AGAP1: variants seen among roughly 807,000 people sequenced by gnomAD.
The protein encoded by AGAP1 is ArfGAP with GTPase domain, ankyrin repeat and PH domain 1.
Under a neutral mutation model 105.3 loss-of-function variants are expected in AGAP1, and 29 were observed. The observed-to-expected ratio is 0.28, with a 90% CI of 0.21 to 0.38. The LOEUF (loss-of-function observed/expected upper bound fraction) is 0.38. AGAP1 is among the 10% of genes least tolerant of loss of function. The pLI is 1.00. For synonymous variants in AGAP1, 509 were observed against 485.9 expected (o/e 1.05, Z -0.63); for missense variants, 998 against 1,165.1 (o/e 0.86, Z 2.09).
At chr2:235,669,347 G>A (rs1575076596) in intron 1 of AGAP1, among the ~76,000 whole-genome samples, 1 of 152,280 alleles carries the variant, frequency 6.6e-6, no homozygotes, top group African/African-American at 2.4e-5. Flanking sequence ...ACGCGCAGCA[G>A]GTGAGACATG....
At chr2:235,945,606 G>T (rs1002448490) in intron 12 of AGAP1, among the ~76,000 whole-genome samples, 23 of 151,958 alleles carry the variant, frequency 1.5e-4, no homozygotes, top group African/African-American at 5.6e-4. Flanking sequence ...TTAAATTTTA[G>T]AAACATTTAA....
chr2:236,091,406 T>C (rs1047930304), intron 16 of AGAP1, among the ~76,000 whole-genome samples: 2 of 152,204 alleles, frequency 1.3e-5, no homozygotes, highest in Admixed American at 6.5e-5. Context: ...AGTTTTACAG[T>C]TTCTTATAAA....
intron 12 of AGAP1, among the ~76,000 whole-genome samples, chr2:235,935,679 A>T (rs2052953431): frequency 6.6e-6 from 1 of 152,226 alleles, no homozygotes; most frequent in South Asian, 2.1e-4. Flanking sequence ...TGCTTTATTG[A>T]TAGATTCAGA....
rs1294200974 is a variant in AGAP1 at position 235,883,365 on chromosome 2, T to A, written c.1071T>A (p.Ser357Arg). ...TGTAGGGCATGCTGTTGAAGCGAAG[T>A]GGCAAATCGTTGAATAAAGAGTGGA... ...PIKQGMLLKR[S>R]GKSLNKEWKK... is the part of the protein sequence containing the mutation. Residue 357 changes from serine (S) to arginine (R), a missense_variant, in exon 10 of 18, where the codon AGT becomes AGA. Ser to Arg is a moderately radical substitution (Grantham distance 110, BLOSUM62 -1). Transcript: ENST00000304032. This position sits in a 1 kb window ranked among gnomAD's most constrained non-coding sequence, Gnocchi z 4.5. 2 of 1,614,094 alleles carry A rather than the reference T, an allele frequency of 1.2e-6. No homozygotes were observed. The highest frequency in any genetic ancestry group is 1.7e-6 in the Non-Finnish European group (2 of 1,180,018).
intron 6 of AGAP1, among the ~76,000 whole-genome samples, chr2:235,781,257 C>T (rs995929196): frequency 6.6e-6 from 1 of 152,210 alleles, no homozygotes; most frequent in South Asian, 2.1e-4. Context: ...AGACTTCACT[C>T]ATCAGAGCTA....
At chr2:235,678,710 G>C (rs1948892190) in intron 1 of AGAP1, among the ~76,000 whole-genome samples, 1 of 152,064 alleles carries the variant, frequency 6.6e-6, no homozygotes, top group Admixed American at 6.6e-5. Context: ...AGTTTCTTTG[G>C]ACTGTCCTCC....
rs1386021705 is a variant in AGAP1 at position 235,877,230 on chromosome 2, C to T, written c.1051-6115C>T. Among the ~76,000 whole-genome samples, 1 of 152,132 alleles carries T rather than the reference C, an allele frequency of 6.6e-6. No individual in the cohort carries two copies. Among genetic ancestry groups the T allele is most frequent in the Non-Finnish European group, 1.5e-5 (1 of 68,020 alleles). On this transcript the variant is annotated intron_variant, in intron 9 of 17. Coordinates refer to ENST00000304032, the MANE Select transcript of AGAP1 (RefSeq NM_001037131.3). The surrounding 1 kb of genome is among the most constrained non-coding windows in gnomAD (Gnocchi z 4.3). ...TAATAATTATGCAGTTAGGTACAAG[C>T]AGAAAACTAAGATTCAGCTCCTTGT...
In AGAP1 at chr2:235,958,117, C is replaced by G. The variant is rs2054024707; in HGVS notation, c.1484-10345C>G. On this transcript the variant is annotated intron_variant, in intron 12 of 17. Transcript: ENST00000304032. This position sits in a 1 kb window ranked among gnomAD's most constrained non-coding sequence, Gnocchi z 4.1. ...GAACATGTTTTAAAGCATTTTGTAT[C>G]TTTAATCAACATGTAGAAAATGAAC... 1.3e-5 allele frequency among the ~76,000 whole-genome samples: 2 copies of G among 152,042 alleles called. No homozygotes were observed. The highest frequency in any genetic ancestry group is 2.9e-5 in the Non-Finnish European group (2 of 68,008).
In AGAP1 at chr2:235,609,122, C is replaced by T. The variant is rs13385680; in HGVS notation, c.164-100057C>T. Among the ~76,000 whole-genome samples the T allele has an allele frequency of 0.036, 5,532 of 152,196 alleles. 343 individuals are homozygous for T. The highest frequency in any genetic ancestry group is 0.13 in the African/African-American group (5,240 of 41,532). ...TCACAGGGGGCTGATGAATTTGTTT[C>T]CTTCTTGCCTTATTTTTGGCAGTTT... On this transcript the variant is annotated intron_variant, in intron 1 of 17. Coordinates refer to ENST00000304032, the MANE Select transcript of AGAP1 (RefSeq NM_001037131.3). This position sits in a 1 kb window ranked among gnomAD's most constrained non-coding sequence, Gnocchi z 5.1.
At position 235,719,220 on chromosome 2, in the gene AGAP1, G is replaced by A. The variant is rs907852992; in HGVS notation, c.310+1576G>A. Among the ~76,000 whole-genome samples, 6 of 152,322 alleles carry A rather than the reference G, an allele frequency of 3.9e-5. No individual in the cohort carries two copies. Among genetic ancestry groups the A allele is most frequent in the South Asian group, 2.1e-4 (1 of 4,820 alleles). ...TGCTCTGGCAGTCTCTGGCCCTGGG[G>A]TTCAGGTGTCTGGTGGGGCAGCGCT... On this transcript the variant is annotated intron_variant, in intron 3 of 17. Transcript: ENST00000304032. The surrounding 1 kb of genome is among the most constrained non-coding windows in gnomAD (Gnocchi z 4.9).
intron 13 of AGAP1, among the ~76,000 whole-genome samples, chr2:236,034,599 C>T (rs2057323282): frequency 6.6e-6 from 1 of 152,166 alleles, no homozygotes; most frequent in African/African-American, 2.4e-5. Flanking sequence ...GCACAAAGGA[C>T]ACCCCCATAC....
intron 9 of AGAP1, among the ~76,000 whole-genome samples, chr2:235,876,027 A>G (rs2049707754): frequency 6.6e-6 from 1 of 152,208 alleles, no homozygotes; most frequent in Non-Finnish European, 1.5e-5. Context: ...CCCATGACCA[A>G]GATCTCCTTG....
At position 235,607,273 on chromosome 2, in the gene AGAP1, G is replaced by A. The variant is rs570155615; in HGVS notation, c.164-101906G>A. Among the ~76,000 whole-genome samples the A allele has an allele frequency of 5.3e-5, 8 of 152,308 alleles. No homozygotes were observed. The South Asian group carries it at 8.3e-4, about 16-fold the overall frequency. ...GAAATAGGACATTTTGTTGAAGCCC[G>A]ATGCATGATTTAGCCCACCAGTACT... is the stretch of plus-strand genomic sequence containing the variant. On this transcript the variant is annotated intron_variant, in intron 1 of 17. Transcript: ENST00000304032.
At chr2:236,016,098 C>G (rs922256228) in intron 13 of AGAP1, among the ~76,000 whole-genome samples, 2 of 152,082 alleles carry the variant, frequency 1.3e-5, no homozygotes, top group African/African-American at 4.8e-5. Flanking sequence ...TGTTAAAGAG[C>G]CATTTTTTAA....
At chr2:235,710,841 C>CA (rs1950820434) in intron 2 of AGAP1, among the ~76,000 whole-genome samples, 1 of 152,180 alleles carries the variant, frequency 6.6e-6, no homozygotes, top group African/African-American at 2.4e-5. Context: ...GAACAGTAGT[C>CA]ACGGTGGTTT....
intron 1 of AGAP1, among the ~76,000 whole-genome samples, chr2:235,526,897 C>T (rs1942860790): frequency 6.6e-6 from 1 of 152,120 alleles, no homozygotes; most frequent in Non-Finnish European, 1.5e-5. Context: ...AAAGCTTCCA[C>T]AGATGGAATG....
At position 235,648,526 on chromosome 2, in the gene AGAP1, A is replaced by G. The variant is rs141976146; in HGVS notation, c.164-60653A>G. Among the ~76,000 whole-genome samples the G allele has an allele frequency of 2.6e-4, 40 of 152,084 alleles. No individual in the cohort carries two copies. In the East Asian group the frequency reaches 5.8e-3, roughly 22 times the overall value. On this transcript the variant is annotated intron_variant, in intron 1 of 17. Transcript: ENST00000304032. ...TCTTCCCGTGGAAAGAGGGTTTTCT[A>G]TTCACACTGTACATTCAGCCACAGC...
At position 235,991,271 on chromosome 2, in the gene AGAP1, A is replaced by G. The variant is rs549054118; in HGVS notation, c.1645+22648A>G. On this transcript the variant is annotated intron_variant, in intron 13 of 17. Transcript: ENST00000304032. The stretch of plus-strand genomic sequence containing the variant: ...CCTTTAATTTTGAAGGGTCAGTATA[A>G]AAATACTTTATTCAGTATATTCTAG... Among the ~76,000 whole-genome samples the G allele has an allele frequency of 6.0e-4, 92 of 152,338 alleles. 7 individuals carry two copies. The highest frequency in any genetic ancestry group is 2.6e-4 in the African/African-American group (11 of 41,584).
intron 16 of AGAP1, among the ~76,000 whole-genome samples, chr2:236,084,644 T>A (rs2058876331): frequency 6.6e-6 from 1 of 152,204 alleles, no homozygotes; most frequent in Non-Finnish European, 1.5e-5. Flanking sequence ...AGCTCATGCC[T>A]GTAATCCCAG....
Sources: gnomAD v4.1 joint callset for allele counts (sites outside exome capture counted in the v4.1 genomes callset) on GRCh38, gnomAD v4.1.1 for gene constraint, Gnocchi (gnomAD v3.1) non-coding constraint, MANE v1.5 for transcripts, NCBI Gene and HGNC (gene_info 2026-07-23, HGNC 2026-07-21) for gene names.